The following ZNF341 variants were observed in gnomAD, a reference collection of about 807,000 sequenced individuals.
ZNF341 encodes zinc finger protein 341.
ZNF341 carries 52 observed loss-of-function variants against 87.7 expected under a neutral mutation model. The ratio of observed to expected loss-of-function variants is 0.59; its 90% confidence interval spans 0.47 to 0.75. The LOEUF is 0.75. Among genes scored for constraint, ZNF341 ranks in the 30% least tolerant of loss-of-function variants. The pLI is 0.00. For synonymous variants in ZNF341, 459 were observed against 472.7 expected (o/e 0.97, Z 0.38); for missense variants, 977 against 1,145.9 (o/e 0.85, Z 2.13).
chr20:33,764,505 G>GTA lies in ZNF341; in HGVS notation c.1223-2336_1223-2335dup, dbSNP rs1229933331. Among the ~76,000 whole-genome samples, 14 of 133,348 alleles carry GTA rather than the reference G, an allele frequency of 1.0e-4. No homozygotes were observed. The South Asian group carries it at 1.7e-3, about 16-fold the overall frequency. 87.5% of individuals were successfully genotyped at this position (133,348 alleles called of 152,430 possible). ...TATGTGTGTATATATATATGTGTGTGTATATATATATGTATATATATGTGT... is the reference window on the plus strand; with the variant it reads ...TATGTGTGTATATATATATGTGTGTGTATATATATATATGTATATATATGTGT... On this transcript the variant is annotated intron_variant, in intron 8 of 14. Coordinates refer to ENST00000375200, the MANE Select transcript of ZNF341 (RefSeq NM_001282933.2).
In ZNF341 at chr20:33,766,905, G is replaced by A. The variant is rs1159548305; in HGVS notation, c.1277G>A (p.Gly426Asp). The A allele has an allele frequency of 6.2e-7, 1 of 1,614,158 alleles. No individual in the cohort carries two copies. The change falls in exon 9 of 15, where the codon GGT becomes GAT. Residue 426 changes from glycine (G) to aspartate (D), a missense_variant. Transcript: ENST00000375200. ...APQPQALSTA[G>D]EEEGDKPESK... ...CAGCCCCAGGCCTTGTCCACAGCTG[G>A]TGAGGAAGAGGGGGACAAGCCGGAG...
chr20:33,774,553 G>C (rs944562454), intron 10 of ZNF341, among the ~76,000 whole-genome samples: 3 of 152,296 alleles, frequency 2.0e-5, no homozygotes, highest in Non-Finnish European at 4.4e-5. Flanking sequence ...ATGCCAAATA[G>C]AGTCACTGAA....
rs1237819974 is a variant in ZNF341, at chr20:33,732,254, C to A, written c.31+202C>A. ...GGGGGAGCTCCGGGGCCGGAACAGC[C>A]GGGGAGAGCCAGGCCGGCGGGGAGG... On this transcript the variant is annotated intron_variant, in intron 1 of 14. Coordinates refer to ENST00000375200, the MANE Select transcript of ZNF341 (RefSeq NM_001282933.2). This position sits in a 1 kb window ranked among gnomAD's most constrained non-coding sequence, Gnocchi z 4.5. Among the ~76,000 whole-genome samples, 1 of 149,848 alleles carries A rather than the reference C, an allele frequency of 6.7e-6. No individual in the cohort carries two copies. Among genetic ancestry groups the A allele is most frequent in the Admixed American group, 6.6e-5 (1 of 15,086 alleles).
At chr20:33,738,005 C>A (rs565743584) in intron 1 of ZNF341, among the ~76,000 whole-genome samples, 1 of 151,602 alleles carries the variant, frequency 6.6e-6, no homozygotes, top group Admixed American at 6.6e-5. Context: ...GGCATGGGGG[C>A]GTGTGCCTAT....
chr20:33,757,263 C>A lies in ZNF341; in HGVS notation c.857C>A (p.Thr286Asn). The change falls in exon 6 of 15, where the codon ACC (threonine) becomes AAC (asparagine). Residue 286 changes from threonine to asparagine, a missense_variant. Physicochemically the swap from Thr to Asn is moderately conservative, Grantham distance 65 (BLOSUM62 0). Around this residue, in one of 3 missense-constraint regions of ZNF341, gnomAD observed 515 missense variants for 598.2 expected, o/e 0.86. Coordinates refer to ENST00000375200, the MANE Select transcript of ZNF341 (RefSeq NM_001282933.2). ...PNPAAPMTSA[T>N]GGTVATFDSP... ...CCCGCCGCCCCCATGACCAGCGCCA[C>A]CGGGGGCACGGTGGCCACCTTTGAC... 6.2e-7 allele frequency: 1 copy of A among 1,606,576 alleles called. No individual in the cohort carries two copies. The highest frequency in any genetic ancestry group is 8.5e-7 in the Non-Finnish European group (1 of 1,177,054).
At chr20:33,746,047 C>T (rs2018912662) in intron 3 of ZNF341, among the ~76,000 whole-genome samples, 1 of 150,528 alleles carries the variant, frequency 6.6e-6, no homozygotes, top group African/African-American at 2.5e-5. Context: ...TCTCCTGCCT[C>T]AGCCTCCCAA....
chr20:33,780,524 C>CA (rs1167334063), intron 10 of ZNF341, among the ~76,000 whole-genome samples: 5 of 151,948 alleles, frequency 3.3e-5, no homozygotes, highest in Non-Finnish European at 7.4e-5. Flanking sequence ...TCTCCTGACT[C>CA]AGTCTCCTGA....
chr20:33,737,221 A>G (rs1389486223), intron 1 of ZNF341, among the ~76,000 whole-genome samples: 2 of 152,280 alleles, frequency 1.3e-5, no homozygotes, highest in Non-Finnish European at 2.9e-5. Context: ...TTACATTCAC[A>G]CAGAGCCAGC....
chr20:33,764,561 A>AT (rs1164096634), intron 8 of ZNF341, among the ~76,000 whole-genome samples: 548 of 28,430 alleles, frequency 0.019, 63 homozygotes, highest in Middle Eastern at 0.042. Flanking sequence ...ATATATATAT[A>AT]TTTTTTTTTT....
At chr20:33,775,627 A>C (rs991270389) in intron 10 of ZNF341, among the ~76,000 whole-genome samples, 1 of 151,580 alleles carries the variant, frequency 6.6e-6, no homozygotes, top group Admixed American at 6.6e-5. Context: ...ACTGTGACCC[A>C]CTTCCCCATA....
chr20:33,737,538 G>A (rs907670957), intron 1 of ZNF341, among the ~76,000 whole-genome samples: 4 of 152,088 alleles, frequency 2.6e-5, no homozygotes, highest in Non-Finnish European at 5.9e-5. Flanking sequence ...AGCCAGGATG[G>A]TCTTGATCTC....
rs977124861 is a variant in ZNF341, at chr20:33,737,954, A to G, written c.32-2948A>G. On this transcript the variant is annotated intron_variant, in intron 1 of 14. Coordinates refer to ENST00000375200, the MANE Select transcript of ZNF341 (RefSeq NM_001282933.2). ...GGAGTTTGAGACCAGCCTGACCAAC[A>G]TGGAGAAACCCTGTCATTACTAAAA... is the stretch of plus-strand genomic sequence containing the variant. 3.9e-5 allele frequency among the ~76,000 whole-genome samples: 6 copies of G among 151,938 alleles called. No individual in the cohort carries two copies. In the South Asian group the frequency reaches 1.2e-3, roughly 32 times the overall value.
chr20:33,789,676 T>C, intron 14 of ZNF341, 88 bp downstream of exon 14: 3 of 1,424,774 alleles, frequency 2.1e-6, no homozygotes, highest in Non-Finnish European at 2.9e-6. Context: ...AGCAGACATA[T>C]CCTGTGAGGC....
chr20:33,739,446 G>A (rs1308442234), intron 1 of ZNF341, among the ~76,000 whole-genome samples: 1 of 152,216 alleles, frequency 6.6e-6, no homozygotes, highest in Non-Finnish European at 1.5e-5. Context: ...ATGTGAGGAG[G>A]CCTGTCATCC....
At chr20:33,752,336 T>A in intron 4 of ZNF341, 1 of 620,548 alleles carries the variant, frequency 1.6e-6, no homozygotes, top group Non-Finnish European at 3.1e-6. Context: ...TCAGACAGCT[T>A]TGTTGAGGCT....
intron 1 of ZNF341, among the ~76,000 whole-genome samples, chr20:33,734,624 GT>G (rs1409912128): frequency 6.6e-6 from 1 of 152,202 alleles, no homozygotes; most frequent in African/African-American, 2.4e-5. Context: ...CTGGTGCCCT[GT>G]TCTCCTTGAT....
At chr20:33,756,959 C>A (rs566736570) in intron 5 of ZNF341, among the ~76,000 whole-genome samples, 189 bp from the exon 6 acceptor site, 61 of 152,238 alleles carry the variant, frequency 4.0e-4, no homozygotes, top group Middle Eastern at 3.4e-3. Context: ...GCTGTTCTGG[C>A]CTCCTGGCTT....
intron 2 of ZNF341, among the ~76,000 whole-genome samples, chr20:33,741,464 C>T (rs1468990914): frequency 6.6e-6 from 1 of 150,814 alleles, no homozygotes; most frequent in Non-Finnish European, 1.5e-5. Flanking sequence ...GAGTGCAGGG[C>T]ACGATCTTGG....
chr20:33,732,144 G>T lies in ZNF341; in HGVS notation c.31+92G>T. The T allele has an allele frequency of 1.0e-6, 1 of 976,112 alleles. No individual in the cohort carries two copies. Among genetic ancestry groups the T allele is most frequent in the Non-Finnish European group, 1.2e-6 (1 of 817,630 alleles). 60.5% of individuals were successfully genotyped at this position (976,112 alleles called of 1,614,324 possible). A position where few individuals can be genotyped will look rare whatever the true frequency, so the allele number is the denominator to read the frequency against. On this transcript the variant is annotated intron_variant, in intron 1 of 14. Coordinates refer to ENST00000375200, the MANE Select transcript of ZNF341 (RefSeq NM_001282933.2). The surrounding 1 kb of genome is among the most constrained non-coding windows in gnomAD (Gnocchi z 4.5). ...AGCGCCCGGCCTAGGGCGCGCAGCGGCCGCGGGGCGGAGGGCGCCGGGGCT... is the reference window on the plus strand; with the variant it reads ...AGCGCCCGGCCTAGGGCGCGCAGCGTCCGCGGGGCGGAGGGCGCCGGGGCT...
Sources: gnomAD v4.1 joint callset for allele counts (sites outside exome capture counted in the v4.1 genomes callset) on GRCh38, gnomAD v4.1.1 for gene constraint, gnomAD v4.1.1 regional missense constraint, Gnocchi (gnomAD v3.1) non-coding constraint, MANE v1.5 for transcripts, NCBI Gene and HGNC (gene_info 2026-07-23, HGNC 2026-07-21) for gene names.